The following HEMGN variants were observed in gnomAD, a reference collection of about 807,000 sequenced individuals.
HEMGN encodes the protein erythroid differentiation-associated gene protein.
In HEMGN, 32 loss-of-function variants were observed where a neutral mutation model predicts 45.7. The ratio of observed to expected loss-of-function variants is 0.70; its 90% confidence interval spans 0.53 to 0.94. The LOEUF is 0.94. Ranked by LOEUF, HEMGN falls within the 40% of genes least tolerant of loss-of-function variation. The pLI, the probability that HEMGN is intolerant of heterozygous loss-of-function variation, is 0.00. For synonymous variants in HEMGN, 183 were observed against 178.6 expected, an observed-to-expected ratio of 1.02 and a Z score of -0.20; for missense variants, 530 against 564.2, an observed-to-expected ratio of 0.94 and a Z score of 0.61.
At chr9:97,937,972 TTTTG>T in intron 1 of HEMGN, 82 bp downstream of exon 1, 1 of 671,648 alleles carries the variant, frequency 1.5e-6, no homozygotes, top group Non-Finnish European at 2.5e-6. Flanking sequence ...TTTTTTTTTT[TTTTG>T]GCCAGATCCA....
intron 2 of HEMGN, among the ~76,000 whole-genome samples, chr9:97,933,868 C>G (rs761904327): frequency 2.0e-5 from 3 of 152,290 alleles, no homozygotes; most frequent in Non-Finnish European, 4.4e-5. Context: ...AAGAGGCTCA[C>G]TAAGGTGTTA....
In HEMGN at chr9:97,930,199, T is replaced by A; in HGVS notation, c.1196A>T (p.Tyr399Phe). Reference sequence around the variant, plus strand: ...GTCTTCAGGCCCCGGTGTTTCTTGGTATATTTCAGGTGAATATTCTTCAAG... The same window carrying A: ...GTCTTCAGGCCCCGGTGTTTCTTGGAATATTTCAGGTGAATATTCTTCAAG... The part of the protein sequence containing the change: ...SQLEEYSPEI[Y>F]QETPGPEDLS... Residue 399 changes from tyrosine (Y) to phenylalanine (F), a missense_variant, in exon 3 of 4, where the codon TAC (tyrosine) becomes TTC (phenylalanine). By Grantham distance (22) the Tyr-to-Phe change is conservative (BLOSUM62 3). Transcript: ENST00000616898. 16 of 1,614,148 alleles carry A rather than the reference T, an allele frequency of 9.9e-6. No individual in the cohort carries two copies. Among genetic ancestry groups the A allele is most frequent in the Non-Finnish European group, 1.4e-5 (16 of 1,180,010 alleles).
At chr9:97,938,652 A>G (rs1827107554), upstream of HEMGN, among the ~76,000 whole-genome samples, 1 of 152,230 alleles carries the variant, frequency 6.6e-6, no homozygotes, top group South Asian at 2.1e-4. Context: ...TGTGAAAGTG[A>G]AAATAATAGA....
upstream of HEMGN, among the ~76,000 whole-genome samples, chr9:97,940,299 A>G (rs1350801967): frequency 1.3e-5 from 2 of 152,192 alleles, no homozygotes; most frequent in Non-Finnish European, 2.9e-5. Context: ...GCAAGGAAAT[A>G]ATAGATTCTT....
At position 97,930,050 on chromosome 9, in the gene HEMGN, A is replaced by G. The variant is rs1826911170; in HGVS notation, c.1345T>C (p.Tyr449His). The G allele has an allele frequency of 1.2e-6, 2 of 1,613,300 alleles. No individual in the cohort carries two copies. Among genetic ancestry groups the G allele is most frequent in the African/African-American group, 1.3e-5 (1 of 74,802 alleles). ...CAGCCCTTACCTTGAGGAAAAGTAT[A>G]AGCATCTTTAGCATCTTCCTGGTGT... ...KAHQEDAKDA[Y>H]TFPQEMKEKP... The change falls in exon 3 of 4, where the codon TAT (tyrosine) becomes CAT (histidine). Residue 449 changes from tyrosine to histidine, a missense_variant. Tyr to His is a moderately conservative substitution (Grantham distance 83). Coordinates refer to ENST00000616898, the MANE Select transcript of HEMGN (RefSeq NM_197978.3).
intron 1 of HEMGN, among the ~76,000 whole-genome samples, chr9:97,944,499 T>C (rs1827195193): frequency 1.3e-5 from 2 of 152,194 alleles, no homozygotes; most frequent in Admixed American, 6.5e-5. Context: ...CAACTTCTCA[T>C]TGGAAGCATT....
chr9:97,943,804 C>T (rs1480196531), intron 1 of HEMGN, among the ~76,000 whole-genome samples: 2 of 152,242 alleles, frequency 1.3e-5, no homozygotes, highest in East Asian at 3.9e-4. Flanking sequence ...CTTTTTCTTT[C>T]ACTCATTCTC....
upstream of HEMGN, among the ~76,000 whole-genome samples, chr9:97,939,614 C>T (rs1827122186): frequency 2.0e-5 from 3 of 152,156 alleles, no homozygotes. Context: ...GCATCTCTTA[C>T]AGATTAGGAG....
chr9:97,937,370 C>A (rs957688805), intron 1 of HEMGN, among the ~76,000 whole-genome samples: 1 of 152,032 alleles, frequency 6.6e-6, no homozygotes, highest in Admixed American at 6.6e-5. Flanking sequence ...GATGCTCTCC[C>A]TCCCCCTCAG....
intron 3 of HEMGN, among the ~76,000 whole-genome samples, chr9:97,929,530 C>G (rs1013127778): frequency 6.6e-6 from 1 of 152,118 alleles, no homozygotes; most frequent in Non-Finnish European, 1.5e-5. Context: ...TTTTCAGGAA[C>G]AAATCTTGAA....
chr9:97,936,843 CA>C lies in HEMGN; in HGVS notation c.80-580del, dbSNP rs1158504603. On this transcript the variant is annotated intron_variant, in intron 1 of 3. Transcript: ENST00000616898. ...TGCTAGTTATCTTTGCCTTGTATAT[CA>C]AATTATAATAAGCATATTCATTGCA... is the stretch of plus-strand genomic sequence containing the variant. 2.0e-5 allele frequency among the ~76,000 whole-genome samples: 3 copies of C among 152,136 alleles called. No individual in the cohort carries two copies. The South Asian group carries it at 6.2e-4, about 31-fold the overall frequency.
At chr9:97,938,269 C>T (rs548030020), upstream of HEMGN, 4 of 644,666 alleles carry the variant, frequency 6.2e-6, no homozygotes, top group South Asian at 1.9e-5. Context: ...CTTGACTTCC[C>T]GCCTAAAAGT....
intron 1 of HEMGN, among the ~76,000 whole-genome samples, chr9:97,943,820 A>G (rs1827184772): frequency 6.6e-6 from 1 of 152,044 alleles, no homozygotes; most frequent in African/African-American, 2.4e-5. Context: ...TTCTCTCATA[A>G]ATCATCAATG....
intron 2 of HEMGN, among the ~76,000 whole-genome samples, chr9:97,931,526 A>G (rs1826954137): frequency 6.6e-6 from 1 of 152,198 alleles, no homozygotes; most frequent in Non-Finnish European, 1.5e-5. Context: ...ATATTCTTAA[A>G]GTTTTGTTAT....
At chr9:97,934,848 C>T (rs1250351920) in intron 2 of HEMGN, among the ~76,000 whole-genome samples, 1 of 152,132 alleles carries the variant, frequency 6.6e-6, no homozygotes, top group East Asian at 1.9e-4. Flanking sequence ...GAGGCTGCCT[C>T]AGGGGATAGT....
chr9:97,937,046 A>G (rs954497199), intron 1 of HEMGN, among the ~76,000 whole-genome samples: 4 of 152,150 alleles, frequency 2.6e-5, no homozygotes, highest in African/African-American at 9.6e-5. Context: ...TGGGACCTCT[A>G]AAGAATAGAG....
chr9:97,931,681 C>T (rs373352207), intron 2 of HEMGN, among the ~76,000 whole-genome samples: 22 of 152,132 alleles, frequency 1.4e-4, no homozygotes, highest in Non-Finnish European at 2.6e-4. Flanking sequence ...CACAGCTCCT[C>T]GTCTGTGCAG....
chr9:97,927,516 A>G (rs1826851068), intron 3 of HEMGN, 38 bp from the exon 4 acceptor site: 1 of 1,358,220 alleles, frequency 7.4e-7, no homozygotes, highest in African/African-American at 1.4e-5. Context: ...GATTCAATAA[A>G]TTGTATTGGG....
chr9:97,928,146 C>A (rs568286732), intron 3 of HEMGN, among the ~76,000 whole-genome samples: 11 of 151,968 alleles, frequency 7.2e-5, no homozygotes, highest in Non-Finnish European at 1.5e-4. Flanking sequence ...CCTGCTTCAG[C>A]CTCCCGAGTA....
Sources: allele counts gnomAD v4.1 joint callset (sites outside exome capture counted in the v4.1 genomes callset), GRCh38; gene constraint gnomAD v4.1.1; transcripts MANE v1.5; gene names NCBI Gene and HGNC (gene_info 2026-07-23, HGNC 2026-07-21).